RPA3: variants seen among roughly 807,000 people sequenced by gnomAD.
The protein encoded by RPA3 is replication protein A3.
A neutral mutation model predicts 13.7 loss-of-function variants in RPA3; 24 were observed. The ratio of observed to expected loss-of-function variants is 1.75; its 90% CI spans 1.27 to 2.46. The LOEUF (loss-of-function observed/expected upper bound fraction) is 2.46, where lower values mean the gene tolerates loss of function less well. RPA3 is among the 30% of genes most tolerant of loss of function. RPA3 has a pLI of 0.00. For missense variants in RPA3, 183 were observed against 151.0 expected (o/e 1.21, Z -1.11); for synonymous variants, 59 against 51.2 (o/e 1.15, Z -0.65).
chr7:7,679,753 C>A (rs1025543998), intron 4 of RPA3, among the ~76,000 whole-genome samples: 12 of 146,252 alleles, frequency 8.2e-5, no homozygotes, highest in Non-Finnish European at 1.6e-4. Context: ...TATTAAGAGG[C>A]AATAACTCAC....
chr7:7,676,369 G>A (rs1779739348), intron 4 of RPA3, among the ~76,000 whole-genome samples: 1 of 152,286 alleles, frequency 6.6e-6, no homozygotes, highest in African/African-American at 2.4e-5. Flanking sequence ...CCATACACAG[G>A]CTAGGATTTA....
Position 7,637,193 on chromosome 7 carries a change from T to C in RPA3, c.284-111A>G. Reference sequence around the variant, plus strand: ...TTTTTCTCACCCTTTTGGAAGTGAGTTTCTAAAAATGGAGATATGGATTAT... The same window carrying C: ...TTTTTCTCACCCTTTTGGAAGTGAGCTTCTAAAAATGGAGATATGGATTAT... On this transcript the variant is annotated intron_variant, in intron 7 of 7. Coordinates refer to ENST00000223129, the MANE Select transcript of RPA3 (RefSeq NM_002947.5). The C allele has an allele frequency of 5.1e-6, 4 of 790,036 alleles. No individual in the cohort carries two copies. In the South Asian group the frequency reaches 6.4e-5, roughly 13 times the overall value. The allele number at this position is 790,036 out of a possible 1,614,324, so 48.9% of individuals were successfully genotyped here.
intron 2 of RPA3, among the ~76,000 whole-genome samples, chr7:7,711,453 A>G (rs1780761102): frequency 6.6e-6 from 1 of 152,172 alleles, no homozygotes; most frequent in South Asian, 2.1e-4. Flanking sequence ...TTTTCATATT[A>G]TACTCTATCC....
intron 2 of RPA3, among the ~76,000 whole-genome samples, chr7:7,700,481 G>A (rs564846900): frequency 2.0e-5 from 3 of 152,212 alleles, no homozygotes; most frequent in African/African-American, 7.2e-5. Flanking sequence ...ATCCCAGTTT[G>A]TGGGAGGCCA....
At chr7:7,638,993 G>GA (rs1784908377) in intron 6 of RPA3, 77 bp downstream of exon 6, 4 of 1,183,840 alleles carry the variant, frequency 3.4e-6, no homozygotes, top group Non-Finnish European at 4.6e-6. Context: ...GCAAAAATTA[G>GA]AAACATCGGC....
intron 1 of RPA3, among the ~76,000 whole-genome samples, chr7:7,717,200 G>A (rs1368682573): frequency 6.6e-6 from 1 of 151,906 alleles, no homozygotes; most frequent in East Asian, 1.9e-4. Context: ...GGGACTACCG[G>A]TATGCGCCAC....
Position 7,662,513 on chromosome 7 carries a change from G to C in RPA3, c.-757-21338C>G, listed in dbSNP as rs114042258. On this transcript the variant is annotated intron_variant, in intron 4 of 7. Transcript: ENST00000223129. ...GTGGGAAAAGCGTAGTATCCGGACC[G>C]GAGTGCACTGTTCCTCACCGCACAG... is the stretch of plus-strand genomic sequence containing the variant. Among the ~76,000 whole-genome samples the C allele has an allele frequency of 1.8e-4, 28 of 152,130 alleles. 1 individual carries two copies. The highest frequency in any genetic ancestry group is 2.6e-4 in the Admixed American group (4 of 15,278).
At chr7:7,717,034 T>G (rs910556298) in intron 1 of RPA3, among the ~76,000 whole-genome samples, 1 of 151,806 alleles carries the variant, frequency 6.6e-6, no homozygotes, top group Non-Finnish European at 1.5e-5. Flanking sequence ...CCTCTTTCTT[T>G]TTCCTTTTTC....
chr7:7,712,068 C>T (rs905732384), intron 2 of RPA3, among the ~76,000 whole-genome samples: 2 of 152,046 alleles, frequency 1.3e-5, no homozygotes, highest in African/African-American at 2.4e-5. Context: ...CTTTGGTTCT[C>T]CTACTTTATG....
At chr7:7,669,632 AG>A (rs779487957) in intron 4 of RPA3, among the ~76,000 whole-genome samples, 7 of 152,188 alleles carry the variant, frequency 4.6e-5, no homozygotes, top group Non-Finnish European at 8.8e-5. Context: ...TGATCATACA[AG>A]GGAATCCCAA....
intron 2 of RPA3, among the ~76,000 whole-genome samples, chr7:7,714,117 C>A (rs1780833459): frequency 6.6e-6 from 1 of 152,104 alleles, no homozygotes; most frequent in African/African-American, 2.4e-5. Flanking sequence ...ATTTAATGTC[C>A]TGTGGTCAGA....
intron 4 of RPA3, among the ~76,000 whole-genome samples, chr7:7,675,493 C>T (rs1481966382): frequency 6.6e-6 from 1 of 152,164 alleles, no homozygotes; most frequent in Non-Finnish European, 1.5e-5. Flanking sequence ...CCTTCTGCCT[C>T]CGAGTATTAT....
chr7:7,693,695 A>G (rs1780235286), intron 2 of RPA3, among the ~76,000 whole-genome samples: 1 of 152,080 alleles, frequency 6.6e-6, no homozygotes, highest in Admixed American at 6.5e-5. Flanking sequence ...TTTTATAATG[A>G]CTTTATTACA....
chr7:7,709,570 C>G (rs1180435579), intron 2 of RPA3, among the ~76,000 whole-genome samples: 1 of 152,238 alleles, frequency 6.6e-6, no homozygotes, highest in Non-Finnish European at 1.5e-5. Context: ...CAAAATGAGG[C>G]TTGTGGGATA....
At chr7:7,700,269 G>T (rs1780427471) in intron 2 of RPA3, among the ~76,000 whole-genome samples, 2 of 152,094 alleles carry the variant, frequency 1.3e-5, no homozygotes, top group Non-Finnish European at 2.9e-5. Context: ...GCTTTCTGAG[G>T]ATTATTTTAT....
At chr7:7,686,538 G>C (rs1251856934) in intron 3 of RPA3, among the ~76,000 whole-genome samples, 1 of 152,132 alleles carries the variant, frequency 6.6e-6, no homozygotes, top group Non-Finnish European at 1.5e-5. Flanking sequence ...TGTCCTGAAT[G>C]CATTACTGAG....
At chr7:7,652,682 C>G (rs2115551671) in intron 4 of RPA3, among the ~76,000 whole-genome samples, 1 of 152,328 alleles carries the variant, frequency 6.6e-6, no homozygotes, top group South Asian at 2.1e-4. Flanking sequence ...TGTCTAGGGC[C>G]TACCACAGTG....
intron 5 of RPA3, chr7:7,639,895 C>T (rs951592490): frequency 2.5e-5 from 5 of 203,324 alleles, no homozygotes; most frequent in Non-Finnish European, 4.0e-5. Flanking sequence ...ACAACCAAGG[C>T]ATGTTTTACA....
At chr7:7,691,885 G>A (rs766435195) in intron 2 of RPA3, among the ~76,000 whole-genome samples, 1 of 152,198 alleles carries the variant, frequency 6.6e-6, no homozygotes, top group Non-Finnish European at 1.5e-5. Flanking sequence ...TATCTGGCTA[G>A]TAGCTCAGTT....
Sources: gnomAD v4.1 joint callset for allele counts (sites outside exome capture counted in the v4.1 genomes callset) on GRCh38, gnomAD v4.1.1 for gene constraint, MANE v1.5 for transcripts, NCBI Gene and HGNC (gene_info 2026-07-23, HGNC 2026-07-21) for gene names.